LMO7: variants seen among roughly 807,000 people sequenced by gnomAD.
LMO7 encodes LIM domain only protein 7.
In LMO7, 120 loss-of-function variants were observed where a neutral mutation model predicts 206.5. The observed-to-expected ratio is 0.58, with a 90% CI of 0.50 to 0.68. LMO7 has a LOEUF of 0.68. Among genes scored for constraint, LMO7 ranks in the 30% least tolerant of loss-of-function variants. The probability of loss-of-function intolerance (pLI) is 0.00; values close to 1 mark genes in which losing one functional copy is unlikely to be tolerated. For synonymous variants in LMO7, 706 were observed against 681.5 expected (o/e 1.04, Z -0.56); for missense variants, 1,959 against 1,957.9 (o/e 1.00, Z -0.01).
Position 75,843,159 on chromosome 13 carries a change from T to C in LMO7, c.4097+243T>C, listed in dbSNP as rs553696167. ...GGCTGATCTCCCTTGGGCAGCCTTT[T>C]AGTTGACTGGGCTTGCTCATATATC... On this transcript the variant is annotated intron_variant, in intron 25 of 30. Coordinates refer to ENST00000377534, the MANE Select transcript of LMO7 (RefSeq NM_001306080.2). Among the ~76,000 whole-genome samples, 16 of 152,372 alleles carry C rather than the reference T, an allele frequency of 1.1e-4. No homozygotes were observed. The South Asian group carries it at 2.9e-3, about 28-fold the overall frequency.
At position 75,841,675 on chromosome 13, in the gene LMO7, G is replaced by A; in HGVS notation, c.3723G>A (p.Glu1241=). The part of the protein sequence containing the change: ...SSNSMSLTTR[E]PSLATWEATW... ...ACAGCATGTCTCTGACCACACGGGA[G>A]CCCTCTCTTGCCACCTGGGAAGCTA... Residue 1241 remains glutamate (E), a synonymous_variant, in exon 24 of 31, where the codon GAG becomes GAA. Coordinates refer to ENST00000377534, the MANE Select transcript of LMO7 (RefSeq NM_001306080.2). The A allele has an allele frequency of 1.2e-6, 2 of 1,614,112 alleles. No homozygotes were observed. Among genetic ancestry groups the A allele is most frequent in the Non-Finnish European group, 1.7e-6 (2 of 1,179,984 alleles).
chr13:75,827,545 G>A (rs908581320), intron 15 of LMO7, among the ~76,000 whole-genome samples: 1 of 152,132 alleles, frequency 6.6e-6, no homozygotes, highest in Non-Finnish European at 1.5e-5. Context: ...CCTTTCTTTT[G>A]TGGTTTTGCT....
At chr13:75,708,954 C>G (rs13378446) in intron 1 of LMO7, among the ~76,000 whole-genome samples, 1 of 151,860 alleles carries the variant, frequency 6.6e-6, no homozygotes, top group East Asian at 1.9e-4. Flanking sequence ...CCGCTCCCCC[C>G]ACCCCACAAC....
chr13:75,837,826 T>A (rs2059249173), intron 19 of LMO7, among the ~76,000 whole-genome samples: 2 of 152,340 alleles, frequency 1.3e-5, no homozygotes, highest in South Asian at 4.1e-4. Context: ...AATATTGATT[T>A]CCTTTTCCCT....
chr13:75,833,111 G>A lies in LMO7; in HGVS notation c.3010G>A (p.Gly1004Arg), dbSNP rs766738886. 1 of 1,611,806 alleles carries A rather than the reference G, an allele frequency of 6.2e-7. No homozygotes were observed. The highest frequency in any genetic ancestry group is 1.3e-5 in the African/African-American group (1 of 74,930). Reference sequence around the variant, plus strand: ...GACGCCTGGGAAGAGTCTTGACTTTGGGTTTACAATAAAATGGGATATTCC... The same window carrying A: ...GACGCCTGGGAAGAGTCTTGACTTTAGGTTTACAATAAAATGGGATATTCC... ...NQTPGKSLDF[G>R]FTIKWDIPGI... The change falls in exon 16 of 31, where the codon GGG becomes AGG. Residue 1004 changes from glycine (G) to arginine (R), a missense_variant. Physicochemically the swap from Gly to Arg is moderately radical, Grantham distance 125 (BLOSUM62 -2). Coordinates refer to ENST00000377534, the MANE Select transcript of LMO7 (RefSeq NM_001306080.2).
At chr13:75,678,078 T>C (rs1440970599) in intron 1 of LMO7, among the ~76,000 whole-genome samples, 1 of 152,154 alleles carries the variant, frequency 6.6e-6, no homozygotes, top group Non-Finnish European at 1.5e-5. Context: ...GTCTTTGCTA[T>C]TGTGAATAGT....
At chr13:75,629,994 C>G (rs2034704687) in intron 2 of LMO7, among the ~76,000 whole-genome samples, 1 of 152,090 alleles carries the variant, frequency 6.6e-6, no homozygotes, top group African/African-American at 2.4e-5. Context: ...TGTTCTAGGA[C>G]CCCTGTTCAT....
At chr13:75,650,290 T>G (rs905220005) in intron 1 of LMO7, among the ~76,000 whole-genome samples, 2 of 152,020 alleles carry the variant, frequency 1.3e-5, no homozygotes, top group Non-Finnish European at 2.9e-5. Context: ...CTACCATGCC[T>G]AGCTAATTTT....
At chr13:75,733,531 C>A (rs937143955) in intron 3 of LMO7, among the ~76,000 whole-genome samples, 2 of 152,212 alleles carry the variant, frequency 1.3e-5, no homozygotes, top group Non-Finnish European at 2.9e-5. Context: ...CCATCTGTCA[C>A]CCCTTTCTTT....
At chr13:75,852,658 T>C (rs1326717221) in intron 27 of LMO7, among the ~76,000 whole-genome samples, 1 of 152,228 alleles carries the variant, frequency 6.6e-6, no homozygotes, top group Non-Finnish European at 1.5e-5. Context: ...GTGAAAGTGA[T>C]AAGCCTTTGT....
chr13:75,667,615 A>AT (rs562897320), intron 1 of LMO7, among the ~76,000 whole-genome samples: 180 of 151,564 alleles, frequency 1.2e-3, no homozygotes, highest in African/African-American at 3.9e-3. Flanking sequence ...TTTTTTGTTC[A>AT]TTTTTTATGG....
intron 3 of LMO7, among the ~76,000 whole-genome samples, chr13:75,753,673 C>T (rs1178505359): frequency 2.0e-5 from 3 of 152,242 alleles, no homozygotes; most frequent in South Asian, 2.1e-4. Flanking sequence ...GGCTCTTCCC[C>T]TTTTGCTCAG....
At chr13:75,840,367 A>G in intron 21 of LMO7, 24 bp from the exon 22 acceptor site, 3 of 1,613,240 alleles carry the variant, frequency 1.9e-6, no homozygotes, top group Non-Finnish European at 2.5e-6. Flanking sequence ...CTCTATTTGC[A>G]TCTCTTCTCT....
At chr13:75,768,404 G>A (rs189660506) in intron 4 of LMO7, among the ~76,000 whole-genome samples, 1 of 152,084 alleles carries the variant, frequency 6.6e-6, no homozygotes, top group South Asian at 2.1e-4. Flanking sequence ...GAATAGCAAA[G>A]CTGGAGAACA....
At chr13:75,722,717 A>G (rs1455728980) in intron 2 of LMO7, among the ~76,000 whole-genome samples, 1 of 152,240 alleles carries the variant, frequency 6.6e-6, no homozygotes, top group Non-Finnish European at 1.5e-5. Flanking sequence ...TTGCACACCC[A>G]TGTTTATAGC....
intron 15 of LMO7, among the ~76,000 whole-genome samples, chr13:75,826,268 C>A (rs1566557592): frequency 6.6e-6 from 1 of 152,078 alleles, no homozygotes; most frequent in Non-Finnish European, 1.5e-5. Context: ...TCTCAAACTC[C>A]TGGGCTCAAA....
chr13:75,632,862 G>GTTTTTTTTTTTTTTTTTGTTT (rs10690832), upstream of LMO7, among the ~76,000 whole-genome samples: 2 of 102,138 alleles, frequency 2.0e-5, no homozygotes, highest in Non-Finnish European at 3.7e-5. Context: ...TTACTTAAAA[G>GTTTTTTTTTTTTTTTTTGTTT]TTTTTTTTTT....
At chr13:75,714,071 A>C (rs752835187) in intron 2 of LMO7, among the ~76,000 whole-genome samples, 35 of 152,224 alleles carry the variant, frequency 2.3e-4, no homozygotes, top group Non-Finnish European at 3.5e-4. Flanking sequence ...TATTTATGCT[A>C]TCTGTCCACA....
chr13:75,779,749 G>A (rs1203605937), intron 4 of LMO7, among the ~76,000 whole-genome samples: 1 of 152,170 alleles, frequency 6.6e-6, no homozygotes, highest in Non-Finnish European at 1.5e-5. Flanking sequence ...AAGACAAGTA[G>A]CTTTATACAA....
Sources: gnomAD v4.1 joint callset for allele counts (sites outside exome capture counted in the v4.1 genomes callset) on GRCh38, gnomAD v4.1.1 for gene constraint, MANE v1.5 for transcripts, NCBI Gene and HGNC (gene_info 2026-07-23, HGNC 2026-07-21) for gene names.